HMGCLL1: variants seen among roughly 807,000 people sequenced by gnomAD.
HMGCLL1 encodes 3-hydroxy-3-methylglutaryl-CoA lyase like 1.
A neutral mutation model predicts 39.1 loss-of-function variants in HMGCLL1; 36 were observed. That is an observed-to-expected ratio of 0.92 (90% CI 0.71 to 1.22). The LOEUF is 1.22. Among genes scored for constraint, HMGCLL1 ranks in the 50% most tolerant of loss-of-function variants. HMGCLL1 has a pLI of 0.00. For missense variants in HMGCLL1, 451 were observed against 416.5 expected, an observed-to-expected ratio of 1.08 and a Z score of -0.72; for synonymous variants, 149 against 144.0, an observed-to-expected ratio of 1.03 and a Z score of -0.25.
the HMGCLL1 span, among the ~76,000 whole-genome samples, chr6:55,607,717 C>T: frequency 6.6e-6 from 1 of 152,186 alleles, no homozygotes; most frequent in Admixed American, 6.5e-5. Flanking sequence ...TTGCTTTCTT[C>T]CCTTCCCTTT....
intron 5 of HMGCLL1, among the ~76,000 whole-genome samples, chr6:55,511,297 C>T (rs961368125): frequency 1.3e-5 from 2 of 152,010 alleles, no homozygotes; most frequent in African/African-American, 2.4e-5. Context: ...GCTGACTCTG[C>T]ATTTTGTCAC....
chr6:55,507,069 T>C (rs991105435), intron 5 of HMGCLL1, among the ~76,000 whole-genome samples: 3 of 151,640 alleles, frequency 2.0e-5, no homozygotes, highest in Admixed American at 6.6e-5. Context: ...CTGAGGACCA[T>C]GTGTTGTACC....
At chr6:55,633,483 AAAC>A in the HMGCLL1 span, among the ~76,000 whole-genome samples, 1 of 151,756 alleles carries the variant, frequency 6.6e-6, no homozygotes, top group African/African-American at 2.4e-5. Context: ...ATAATAAAAA[AAAC>A]AATCTAATTC....
chr6:55,642,158 G>T, the HMGCLL1 span, among the ~76,000 whole-genome samples: 2 of 137,042 alleles, frequency 1.5e-5, no homozygotes, highest in South Asian at 4.7e-4. Context: ...AATATGCGGT[G>T]TTTGGTTTTT....
intron 1 of HMGCLL1, 136 bp from the exon 2 acceptor site, chr6:55,542,276 A>G (rs763193466): frequency 5.6e-6 from 3 of 533,626 alleles, no homozygotes; most frequent in Non-Finnish European, 9.9e-6. Flanking sequence ...ATACAATGAT[A>G]TCATGAAAAT....
At chr6:55,504,018 T>C (rs554462441) in intron 5 of HMGCLL1, among the ~76,000 whole-genome samples, 1 of 151,898 alleles carries the variant, frequency 6.6e-6, no homozygotes, top group Non-Finnish European at 1.5e-5. Flanking sequence ...TTTGATTACA[T>C]ATTTTTCCAC....
chr6:55,652,828 A>T, the HMGCLL1 span, among the ~76,000 whole-genome samples: 130 of 152,186 alleles, frequency 8.5e-4, no homozygotes, highest in Middle Eastern at 3.4e-3. Flanking sequence ...ACAAGAAAAT[A>T]TCCATGAAAA....
rs144367505 is a variant in HMGCLL1 at position 55,577,511 on chromosome 6, C to G, written c.108+1437G>C. Among the ~76,000 whole-genome samples, 453 of 152,156 alleles carry G rather than the reference C, an allele frequency of 3.0e-3. 2 individuals carry two copies. Among genetic ancestry groups the G allele is most frequent in the African/African-American group, 0.01 (425 of 41,520 alleles). ...ATGAATGCCCCAGAATTTTATTTCT[C>G]GGGAATCCTAGTCATTTTCATTTAA... On this transcript the variant is annotated intron_variant, in intron 1 of 8. Transcript: ENST00000274901.
chr6:55,480,836 T>C (rs1765704685), intron 7 of HMGCLL1, among the ~76,000 whole-genome samples: 2 of 148,306 alleles, frequency 1.3e-5, no homozygotes, highest in Middle Eastern at 3.4e-3. Context: ...TGCAACGACA[T>C]GGGTGGAACT....
chr6:55,469,347 T>C (rs1381308091), intron 7 of HMGCLL1, among the ~76,000 whole-genome samples: 1 of 149,308 alleles, frequency 6.7e-6, no homozygotes, highest in Admixed American at 6.7e-5. Context: ...AAAGGTCACT[T>C]ACTGATAGTG....
intron 7 of HMGCLL1, among the ~76,000 whole-genome samples, chr6:55,488,176 C>A (rs1766138397): frequency 6.6e-6 from 1 of 152,064 alleles, no homozygotes. Flanking sequence ...ATGATTTTTA[C>A]ATTTCTTGGG....
intron 5 of HMGCLL1, chr6:55,513,527 C>T (rs1767573877): frequency 6.5e-6 from 1 of 153,506 alleles, no homozygotes; most frequent in African/African-American, 2.4e-5. Context: ...TTTGGGATCA[C>T]CCAGAGGAAG....
chr6:55,442,283 T>C (rs1763632972), intron 7 of HMGCLL1, among the ~76,000 whole-genome samples: 1 of 152,192 alleles, frequency 6.6e-6, no homozygotes, highest in Non-Finnish European at 1.5e-5. Context: ...AATTCTTCTG[T>C]ATGGAAAATT....
At chr6:55,477,601 A>G (rs1028346741) in intron 7 of HMGCLL1, among the ~76,000 whole-genome samples, 1 of 140,948 alleles carries the variant, frequency 7.1e-6, no homozygotes, top group Admixed American at 7.6e-5. Flanking sequence ...CCGGATGCCT[A>G]AATGTCTTTT....
Position 55,435,608 on chromosome 6 carries a change from G to A in HMGCLL1, c.*54C>T. 1.1e-6 allele frequency: 1 copy of A among 943,600 alleles called. No homozygotes were observed. The highest frequency in any genetic ancestry group is 1.6e-6 in the Non-Finnish European group (1 of 618,226). 58.5% of individuals were successfully genotyped at this position (943,600 alleles called of 1,614,324 possible). The stretch of plus-strand genomic sequence containing the variant: ...AAGTTGGCATTAATGATTTTCAGAT[G>A]AGTATTGTAGCTGAAATTGATCTTC... On this transcript the variant is annotated 3_prime_UTR_variant, in exon 9 of 9. Coordinates refer to ENST00000274901, the MANE Select transcript of HMGCLL1 (RefSeq NM_001042406.2).
At chr6:55,667,005 G>A in the HMGCLL1 span, among the ~76,000 whole-genome samples, 1,237 of 151,540 alleles carry the variant, frequency 8.2e-3, 16 homozygotes, top group African/African-American at 0.028. Flanking sequence ...AAACTCATGA[G>A]TTTCCATTGA....
At chr6:55,551,053 A>G (rs1770301896) in intron 1 of HMGCLL1, among the ~76,000 whole-genome samples, 1 of 151,668 alleles carries the variant, frequency 6.6e-6, no homozygotes, top group Non-Finnish European at 1.5e-5. Context: ...CCAAAAAAAA[A>G]AAAATAAACC....
chr6:55,498,644 C>T (rs1213376427), intron 6 of HMGCLL1, among the ~76,000 whole-genome samples: 1 of 152,010 alleles, frequency 6.6e-6, no homozygotes, highest in Non-Finnish European at 1.5e-5. Context: ...AAAGACAGTG[C>T]ATTTTGTATT....
chr6:55,478,585 G>T (rs62407069), intron 7 of HMGCLL1, among the ~76,000 whole-genome samples: 1 of 151,124 alleles, frequency 6.6e-6, no homozygotes, highest in Non-Finnish European at 1.5e-5. Context: ...ACTAATTCTT[G>T]AAAATGAAAC....
Sources: allele counts gnomAD v4.1 joint callset (sites outside exome capture counted in the v4.1 genomes callset), GRCh38; gene constraint gnomAD v4.1.1; transcripts MANE v1.5; gene names NCBI Gene and HGNC (gene_info 2026-07-23, HGNC 2026-07-21).